The following TENM2 variants were observed in gnomAD, a reference collection of about 807,000 sequenced individuals.
TENM2 encodes the protein teneurin-2.
TENM2 carries 52 observed loss-of-function variants against 245.2 expected under a neutral mutation model. The ratio of observed to expected loss-of-function variants is 0.21; its 90% CI spans 0.17 to 0.27. The LOEUF is 0.27. Ranked by LOEUF, TENM2 falls within the 10% of genes least tolerant of loss-of-function variation. TENM2 has a pLI of 1.00. For missense variants in TENM2, 3,046 were observed against 3,666.8 expected (o/e 0.83, Z 4.37); for synonymous variants, 1,363 against 1,438.9 (o/e 0.95, Z 1.19).
At chr5:167,182,264 C>T in the TENM2 span, among the ~76,000 whole-genome samples, 1 of 151,350 alleles carries the variant, frequency 6.6e-6, no homozygotes, top group Non-Finnish European at 1.5e-5. Context: ...ATTTTTTTTT[C>T]TAAATCCAAT....
chr5:167,101,924 T>TTA, the TENM2 span, among the ~76,000 whole-genome samples: 27 of 106,060 alleles, frequency 2.5e-4, 1 homozygote, highest in Middle Eastern at 5.0e-3. Context: ...ATATATACAA[T>TTA]TATATATATA....
intron 1 of TENM2, among the ~76,000 whole-genome samples, chr5:167,337,467 G>A (rs1260841908): frequency 2.0e-5 from 3 of 152,162 alleles, no homozygotes; most frequent in African/African-American, 7.2e-5. Context: ...ATACAAGGAA[G>A]AGACATGTTA....
intron 7 of TENM2, among the ~76,000 whole-genome samples, chr5:168,080,514 T>A (rs914155044): frequency 6.6e-6 from 1 of 152,218 alleles, no homozygotes; most frequent in African/African-American, 2.4e-5. Context: ...TTCTTTTAAT[T>A]GTGATGTTAG....
At chr5:167,259,874 A>T in the TENM2 span, among the ~76,000 whole-genome samples, 5 of 152,200 alleles carry the variant, frequency 3.3e-5, no homozygotes, top group Non-Finnish European at 7.3e-5. Flanking sequence ...ATGTACCAAT[A>T]AAGTTAAGAG....
intron 1 of TENM2, among the ~76,000 whole-genome samples, chr5:167,323,196 G>A (rs558273101): frequency 6.6e-6 from 1 of 152,270 alleles, no homozygotes; most frequent in South Asian, 2.1e-4. Context: ...TCTTTTAAAA[G>A]TCCTTTATGA....
intron 2 of TENM2, among the ~76,000 whole-genome samples, chr5:167,418,461 CTATAT>C (rs1403523964): frequency 6.6e-6 from 1 of 152,076 alleles, no homozygotes; most frequent in Non-Finnish European, 1.5e-5. Context: ...GACTTTGTTG[CTATAT>C]TATATTTTAA....
At chr5:168,043,690 AAC>A (rs1303419545) in intron 5 of TENM2, among the ~76,000 whole-genome samples, 1 of 152,232 alleles carries the variant, frequency 6.6e-6, no homozygotes, top group East Asian at 1.9e-4. Flanking sequence ...TTATAACAGT[AAC>A]AGTTCATGTC....
intron 2 of TENM2, among the ~76,000 whole-genome samples, chr5:167,590,275 T>G (rs1422606752): frequency 6.6e-6 from 1 of 151,946 alleles, no homozygotes; most frequent in African/African-American, 2.4e-5. Flanking sequence ...AGGTCTAAGG[T>G]CTTCTTCTAC....
At chr5:167,014,812 A>G in the TENM2 span, among the ~76,000 whole-genome samples, 1 of 152,198 alleles carries the variant, frequency 6.6e-6, no homozygotes, top group Non-Finnish European at 1.5e-5. Flanking sequence ...GTGAAACCAA[A>G]CACTATCAAT....
Position 167,954,590 on chromosome 5 carries a change from A to G in TENM2, c.947+1768A>G, listed in dbSNP as rs181362181. On this transcript the variant is annotated intron_variant, in intron 4 of 28. Transcript: ENST00000518659. ...CATCAACTGGTCATCTATATTAGGT[A>G]TTTCTCCTAATGCTATCCCTCCCCT... Among the ~76,000 whole-genome samples, 349 of 152,156 alleles carry G rather than the reference A, an allele frequency of 2.3e-3. 2 individuals are homozygous for G. The highest frequency in any genetic ancestry group is 7.7e-3 in the African/African-American group (321 of 41,530).
At chr5:167,179,542 A>G in the TENM2 span, among the ~76,000 whole-genome samples, 2 of 152,126 alleles carry the variant, frequency 1.3e-5, no homozygotes, top group South Asian at 2.1e-4. Context: ...CCCCTTTAGT[A>G]AATAAGGCTT....
At chr5:168,037,306 T>C (rs1277626390) in intron 5 of TENM2, among the ~76,000 whole-genome samples, 1 of 151,352 alleles carries the variant, frequency 6.6e-6, no homozygotes. Context: ...GAGAATTACA[T>C]ACAGGATTTG....
the TENM2 span, among the ~76,000 whole-genome samples, chr5:166,999,974 C>A: frequency 1.3e-5 from 2 of 151,990 alleles, no homozygotes; most frequent in African/African-American, 4.8e-5. Flanking sequence ...TTGAAAAGTG[C>A]CAACAGAGGA....
At chr5:168,114,145 C>T (rs747987749) in intron 9 of TENM2, among the ~76,000 whole-genome samples, 1 of 152,172 alleles carries the variant, frequency 6.6e-6, no homozygotes, top group Non-Finnish European at 1.5e-5. Context: ...AATTTGCCTA[C>T]CAAGTGTCAG....
At chr5:168,008,753 T>C (rs924056015) in intron 5 of TENM2, among the ~76,000 whole-genome samples, 1 of 152,248 alleles carries the variant, frequency 6.6e-6, no homozygotes. Flanking sequence ...GTTGTCATAA[T>C]GGGAGAACTG....
At chr5:167,708,287 C>A (rs1325895850) in intron 2 of TENM2, among the ~76,000 whole-genome samples, 1 of 151,792 alleles carries the variant, frequency 6.6e-6, no homozygotes, top group Non-Finnish European at 1.5e-5. Context: ...TATATACATA[C>A]CTTTTAGATA....
intron 2 of TENM2, among the ~76,000 whole-genome samples, chr5:167,783,428 C>G (rs1277891357): frequency 6.6e-6 from 1 of 152,118 alleles, no homozygotes; most frequent in African/African-American, 2.4e-5. Flanking sequence ...CATTGGGAAC[C>G]AGAGTACAAT....
At chr5:167,996,975 G>C (rs1453904052) in intron 5 of TENM2, among the ~76,000 whole-genome samples, 1 of 152,102 alleles carries the variant, frequency 6.6e-6, no homozygotes, top group Non-Finnish European at 1.5e-5. Context: ...CTGGCCTCAA[G>C]TCATCTACCC....
At chr5:168,129,312 A>G (rs1000259240) in intron 12 of TENM2, 1 of 152,242 alleles carries the variant, frequency 6.6e-6, no homozygotes, top group African/African-American at 2.4e-5. Context: ...TGTTTGGTAC[A>G]GGTTTCACAT....
Sources: allele counts gnomAD v4.1 joint callset (sites outside exome capture counted in the v4.1 genomes callset), GRCh38; gene constraint gnomAD v4.1.1; transcripts MANE v1.5; gene names NCBI Gene and HGNC (gene_info 2026-07-23, HGNC 2026-07-21).